Variants in DOCK8 observed in about 807,000 individuals in gnomAD.
The protein encoded by DOCK8 is dedicator of cytokinesis protein 8.
In DOCK8, 141 loss-of-function variants were observed where a neutral mutation model predicts 245.6. The ratio of observed to expected loss-of-function variants is 0.57; its 90% confidence interval spans 0.50 to 0.66. The LOEUF (loss-of-function observed/expected upper bound fraction) is 0.66, where lower values mean the gene tolerates loss of function less well. DOCK8 is among the 30% of genes least tolerant of loss of function. DOCK8 has a pLI of 0.00. For synonymous variants in DOCK8, 1,168 were observed against 970.2 expected (o/e 1.20, Z -3.79); for missense variants, 2,965 against 2,603.4 (o/e 1.14, Z -3.02).
chr9:363,754 C>T (rs963239901), intron 14 of DOCK8, among the ~76,000 whole-genome samples: 5 of 152,072 alleles, frequency 3.3e-5, no homozygotes, highest in African/African-American at 1.2e-4. Context: ...GGGCAGGACA[C>T]TGAATATCTG....
At chr9:244,189 A>G (rs2047448481) in intron 1 of DOCK8, among the ~76,000 whole-genome samples, 2 of 33,306 alleles carry the variant, frequency 6.0e-5, no homozygotes, top group Non-Finnish European at 1.2e-4. Flanking sequence ...CTCCGTCTGA[A>G]AAAAAAAAAA....
intron 18 of DOCK8, 65 bp downstream of exon 18, chr9:372,351 C>G: frequency 5.3e-6 from 7 of 1,310,214 alleles, no homozygotes; most frequent in Non-Finnish European, 7.7e-6. Flanking sequence ...CCTTCCCAGA[C>G]TCACTTTCCA....
chr9:325,604 G>C (rs1251904599), intron 7 of DOCK8, 67 bp from the exon 8 acceptor site: 62 of 1,278,636 alleles, frequency 4.8e-5, no homozygotes, highest in Non-Finnish European at 6.3e-5. Flanking sequence ...ATCTATCTAG[G>C]TGTTTTCAGA....
At chr9:397,255 G>C (rs988792844) in intron 25 of DOCK8, among the ~76,000 whole-genome samples, 3 of 150,950 alleles carry the variant, frequency 2.0e-5, no homozygotes, top group Non-Finnish European at 4.4e-5. Context: ...GGAGGCAGAA[G>C]CAAGAGAACT....
Position 382,695 on chromosome 9 carries a change from A to T in DOCK8, c.2778+10A>T. ...CATCATGTCTTCAAAGGTAGGAAAG[A>T]TGTCAAACCGTGGAAGGGGACACAG... On this transcript the variant is annotated intron_variant, in intron 22 of 47. Coordinates refer to ENST00000432829, the MANE Select transcript of DOCK8 (RefSeq NM_203447.4). The T allele has an allele frequency of 1.2e-6, 2 of 1,614,150 alleles. No homozygotes were observed.
chr9:249,360 T>A (rs903445184), intron 1 of DOCK8, among the ~76,000 whole-genome samples: 1 of 152,178 alleles, frequency 6.6e-6, no homozygotes, highest in African/African-American at 2.4e-5. Context: ...TCCACAAAGA[T>A]AAATGAAAAG....
intron 1 of DOCK8, among the ~76,000 whole-genome samples, chr9:246,963 G>A (rs1428475589): frequency 6.6e-6 from 1 of 152,054 alleles, no homozygotes; most frequent in African/African-American, 2.4e-5. Context: ...AAGGAAGTTA[G>A]ATAAAGGGTG....
chr9:452,925 A>G (rs918317527), intron 46 of DOCK8: 15 of 152,354 alleles, frequency 9.8e-5, no homozygotes, highest in Non-Finnish European at 1.6e-4. Flanking sequence ...AAATATGAGT[A>G]TGAAGGATGT....
At chr9:400,370 CCTCCTTCACCATCACCAT>C (rs2054847650) in intron 26 of DOCK8, among the ~76,000 whole-genome samples, 5 of 90,862 alleles carry the variant, frequency 5.5e-5, no homozygotes, top group African/African-American at 1.4e-4. Context: ...ACCATCACCA[CCTCCTTCACCATCACCAT>C]CACCACCACC....
chr9:453,690 G>A (rs1484302558), intron 46 of DOCK8, among the ~76,000 whole-genome samples: 1 of 152,198 alleles, frequency 6.6e-6, no homozygotes, highest in Non-Finnish European at 1.5e-5. Context: ...GTCTCCCAAA[G>A]TGCTGGGATT....
upstream of DOCK8, among the ~76,000 whole-genome samples, chr9:211,414 G>C (rs1372353444): frequency 1.1e-4 from 16 of 152,046 alleles, no homozygotes; most frequent in Non-Finnish European, 2.4e-4. Flanking sequence ...AAAGCTAAAT[G>C]AGCAGAGAAG....
At chr9:447,878 G>T (rs1447703038) in intron 44 of DOCK8, among the ~76,000 whole-genome samples, 2 of 152,204 alleles carry the variant, frequency 1.3e-5, no homozygotes, top group Admixed American at 1.3e-4. Context: ...CTGAAGCAGT[G>T]ACTCAGTCGG....
At chr9:415,054 A>G (rs2055928942) in intron 29 of DOCK8, 103 bp downstream of exon 29, 6 of 1,501,880 alleles carry the variant, frequency 4.0e-6, no homozygotes, top group African/African-American at 1.4e-5. Context: ...ATATGTTCAT[A>G]TGAGCAATTC....
At chr9:385,925 TC>T (rs1199343378) in intron 22 of DOCK8, among the ~76,000 whole-genome samples, 2 of 152,358 alleles carry the variant, frequency 1.3e-5, no homozygotes, top group Admixed American at 1.3e-4. Context: ...GCACTCCACT[TC>T]CCTTCAGAGG....
At chr9:438,670 T>C (rs866420518) in intron 39 of DOCK8, among the ~76,000 whole-genome samples, 5 of 152,268 alleles carry the variant, frequency 3.3e-5, no homozygotes, top group African/African-American at 7.2e-5. Flanking sequence ...AACGCAATAG[T>C]TTATGTAAAG....
intron 14 of DOCK8, among the ~76,000 whole-genome samples, chr9:352,986 G>T (rs1392539728): frequency 6.6e-6 from 1 of 152,118 alleles, no homozygotes; most frequent in Non-Finnish European, 1.5e-5. Flanking sequence ...GTCACCCTGT[G>T]AATAATGTTG....
At chr9:403,507 A>G (rs897254116) in intron 26 of DOCK8, among the ~76,000 whole-genome samples, 1 of 152,168 alleles carries the variant, frequency 6.6e-6, no homozygotes, top group African/African-American at 2.4e-5. Flanking sequence ...GTGGATGTCT[A>G]ACTATGAATT....
At chr9:455,065 T>A (rs1289842630) in intron 46 of DOCK8, among the ~76,000 whole-genome samples, 1 of 152,220 alleles carries the variant, frequency 6.6e-6, no homozygotes, top group Non-Finnish European at 1.5e-5. Context: ...CCTACCCTTT[T>A]AATGGTGATT....
At chr9:390,758 C>T (rs1042215242) in intron 24 of DOCK8, among the ~76,000 whole-genome samples, 192 bp downstream of exon 24, 1 of 152,124 alleles carries the variant, frequency 6.6e-6, no homozygotes, top group African/African-American at 2.4e-5. Flanking sequence ...AATCTATCGC[C>T]GTCCTGTGAG....
Sources: gnomAD v4.1 joint callset for allele counts (sites outside exome capture counted in the v4.1 genomes callset) on GRCh38, gnomAD v4.1.1 for gene constraint, MANE v1.5 for transcripts, NCBI Gene and HGNC (gene_info 2026-07-23, HGNC 2026-07-21) for gene names.